The following USH2A variants were observed in gnomAD, a reference collection of about 807,000 sequenced individuals.
The protein encoded by USH2A is usherin, also known as Usher syndrome 2A (autosomal recessive, mild).
In USH2A, 443 loss-of-function variants were observed where a neutral mutation model predicts 538.9. The observed-to-expected ratio is 0.82, with a 90% CI of 0.76 to 0.89. The LOEUF (loss-of-function observed/expected upper bound fraction) is 0.89, where lower values mean the gene tolerates loss of function less well. Among genes scored for constraint, USH2A ranks in the 40% least tolerant of loss-of-function variants. USH2A has a pLI of 0.00. For synonymous variants in USH2A, 2,413 were observed against 2,273.5 expected (o/e 1.06, Z -1.75); for missense variants, 6,633 against 6,324.8 (o/e 1.05, Z -1.65).
At position 215,680,171 on chromosome 1, in the gene USH2A, A is replaced by T; in HGVS notation, c.12272T>A (p.Met4091Lys). The T allele has an allele frequency of 6.2e-7, 1 of 1,614,100 alleles. No individual in the cohort carries two copies. Among genetic ancestry groups the T allele is most frequent in the Non-Finnish European group, 8.5e-7 (1 of 1,179,980 alleles). The change falls in exon 62 of 72, where the codon ATG becomes AAG. Residue 4091 changes from methionine (M) to lysine (K), a missense_variant. Met to Lys is a moderately conservative substitution (Grantham distance 95, BLOSUM62 -1). Coordinates refer to ENST00000307340, the MANE Select transcript of USH2A (RefSeq NM_206933.4). ...TACCTTAATCACACCATTGGTTCTC[A>T]TAGGTTCTGACCACTGTAGTAGCAA... ...RALLLQWSEP[M>K]RTNGVIKTYN...
intron 47 of USH2A, among the ~76,000 whole-genome samples, chr1:215,837,566 T>G (rs11120657): frequency 0.013 from 1,960 of 152,302 alleles, 52 homozygotes; most frequent in African/African-American, 0.045. Flanking sequence ...AATGCTTATC[T>G]AAACATTATC....
At chr1:216,374,595 A>G (rs889023084) in intron 3 of USH2A, among the ~76,000 whole-genome samples, 6 of 152,130 alleles carry the variant, frequency 3.9e-5, no homozygotes, top group African/African-American at 1.4e-4. Context: ...ATACTTCAAG[A>G]CTGTATAAAT....
intron 9 of USH2A, among the ~76,000 whole-genome samples, chr1:216,292,603 T>A (rs967098370): frequency 6.6e-6 from 1 of 152,198 alleles, no homozygotes; most frequent in Admixed American, 6.5e-5. Context: ...GATCTTTTTT[T>A]TTCTTAATTT....
At chr1:216,167,817 T>C (rs1173121508) in intron 21 of USH2A, among the ~76,000 whole-genome samples, 4 of 152,160 alleles carry the variant, frequency 2.6e-5, no homozygotes, top group Non-Finnish European at 4.4e-5. Context: ...CTCAATCAAA[T>C]TCTTTCTTCT....
At chr1:216,190,418 G>A (rs1337936569) in intron 19 of USH2A, 51 bp from the exon 20 acceptor site, 4 of 1,592,096 alleles carry the variant, frequency 2.5e-6, no homozygotes, top group Admixed American at 1.7e-5. Context: ...TAGGTAATCA[G>A]TGTGAAAATA....
intron 37 of USH2A, among the ~76,000 whole-genome samples, chr1:215,959,235 CAG>C (rs1388214709): frequency 1.3e-5 from 2 of 151,738 alleles, no homozygotes; most frequent in Admixed American, 6.6e-5. Flanking sequence ...CTAGAGATAA[CAG>C]ATATATTTCC....
intron 3 of USH2A, among the ~76,000 whole-genome samples, chr1:216,378,700 C>T (rs1251563982): frequency 6.6e-6 from 1 of 151,878 alleles, no homozygotes; most frequent in Non-Finnish European, 1.5e-5. Flanking sequence ...TCTTCCCTCA[C>T]CCACCCCTCA....
intron 11 of USH2A, among the ~76,000 whole-genome samples, chr1:216,259,951 T>A (rs1220341932): frequency 6.6e-6 from 1 of 152,058 alleles, no homozygotes; most frequent in African/African-American, 2.4e-5. Context: ...ATTGGCAACG[T>A]TCTTGACTAA....
At chr1:215,943,992 T>C (rs1184699411) in intron 37 of USH2A, among the ~76,000 whole-genome samples, 1 of 152,210 alleles carries the variant, frequency 6.6e-6, no homozygotes, top group East Asian at 1.9e-4. Context: ...TAGTGGATGT[T>C]GTTTTTCTGT....
intron 30 of USH2A, among the ~76,000 whole-genome samples, chr1:216,052,917 TG>T: frequency 6.6e-6 from 1 of 152,346 alleles, no homozygotes; most frequent in South Asian, 2.1e-4. Flanking sequence ...GTTATCCTAA[TG>T]GCTTTGCTTT....
chr1:215,699,011 G>C (rs1403311586), intron 61 of USH2A, among the ~76,000 whole-genome samples: 1 of 152,122 alleles, frequency 6.6e-6, no homozygotes, highest in African/African-American at 2.4e-5. Context: ...TCTAAGAAAG[G>C]GGTCCAGTTT....
chr1:216,332,719 A>G (rs1393455317), intron 4 of USH2A, among the ~76,000 whole-genome samples: 2 of 152,140 alleles, frequency 1.3e-5, no homozygotes, highest in African/African-American at 2.4e-5. Flanking sequence ...TTGCCTGACT[A>G]CTAAGATGAG....
At chr1:216,082,278 C>T (rs529153471) in intron 26 of USH2A, among the ~76,000 whole-genome samples, 14 of 151,846 alleles carry the variant, frequency 9.2e-5, no homozygotes, top group East Asian at 1.9e-4. Flanking sequence ...TACGTTTCAG[C>T]GAAGATTCAT....
Position 215,628,998 on chromosome 1 carries a change from G to T in USH2A, c.15335C>A (p.Pro5112His). The change falls in exon 71 of 72, where the codon CCT becomes CAT. Residue 5112 changes from proline to histidine, a missense_variant. By Grantham distance (77) the Pro-to-His change is moderately conservative. Transcript: ENST00000307340. The part of the protein sequence containing the change: ...ADTKIPRSGT[P>H]VSIRSNRSAC... ...ACTCCGGTTGCTGCGGATACTCACAGGTGTCCCAGACCGGGGAATTTTGGT... is the reference window on the plus strand; with the variant it reads ...ACTCCGGTTGCTGCGGATACTCACATGTGTCCCAGACCGGGGAATTTTGGT... 6.2e-7 allele frequency: 1 copy of T among 1,613,666 alleles called. No individual in the cohort carries two copies. Among genetic ancestry groups the T allele is most frequent in the Non-Finnish European group, 8.5e-7 (1 of 1,180,036 alleles).
intron 4 of USH2A, among the ~76,000 whole-genome samples, chr1:216,351,344 T>C (rs1248643639): frequency 6.6e-6 from 1 of 152,130 alleles, no homozygotes; most frequent in Non-Finnish European, 1.5e-5. Context: ...AAACTGGTAT[T>C]GAGCAGACCT....
intron 40 of USH2A, among the ~76,000 whole-genome samples, chr1:215,898,220 G>T (rs538889992): frequency 6.6e-6 from 1 of 152,252 alleles, no homozygotes; most frequent in Non-Finnish European, 1.5e-5. Context: ...GTTGATACCT[G>T]CTATTTATTC....
chr1:216,315,157 A>T (rs1438301145), intron 9 of USH2A, among the ~76,000 whole-genome samples: 1 of 152,198 alleles, frequency 6.6e-6, no homozygotes, highest in Non-Finnish European at 1.5e-5. Context: ...GTTAGTTGAC[A>T]GATAAACCCA....
chr1:215,908,869 C>T (rs1467431877), intron 38 of USH2A, among the ~76,000 whole-genome samples: 1 of 151,424 alleles, frequency 6.6e-6, no homozygotes, highest in Non-Finnish European at 1.5e-5. Context: ...TATTAGTTGA[C>T]TAATTGTTTT....
intron 44 of USH2A, among the ~76,000 whole-genome samples, chr1:215,863,297 A>C (rs1203820595): frequency 6.6e-6 from 1 of 152,188 alleles, no homozygotes; most frequent in African/African-American, 2.4e-5. Flanking sequence ...ACAATGGAAA[A>C]GTCAGATGTG....
Sources: allele counts gnomAD v4.1 joint callset (sites outside exome capture counted in the v4.1 genomes callset), GRCh38; gene constraint gnomAD v4.1.1; transcripts MANE v1.5; gene names NCBI Gene and HGNC (gene_info 2026-07-23, HGNC 2026-07-21).